ZNF341: variants seen among roughly 807,000 people sequenced by gnomAD.
ZNF341 encodes zinc finger protein 341.
In ZNF341, 52 loss-of-function variants were observed where a neutral mutation model predicts 87.7. The observed-to-expected ratio is 0.59, with a 90% confidence interval of 0.47 to 0.75. ZNF341 has a LOEUF of 0.75. Ranked by LOEUF, ZNF341 falls within the 30% of genes least tolerant of loss-of-function variation. The probability of loss-of-function intolerance (pLI) is 0.00; values close to 1 mark genes in which losing one functional copy is unlikely to be tolerated. For missense variants in ZNF341, 977 were observed against 1,145.9 expected (o/e 0.85, Z 2.13); for synonymous variants, 459 against 472.7 (o/e 0.97, Z 0.38).
intron 3 of ZNF341, among the ~76,000 whole-genome samples, chr20:33,746,923 G>T (rs1265980744): frequency 6.6e-6 from 1 of 152,172 alleles, no homozygotes; most frequent in East Asian, 1.9e-4. Context: ...CAGGAGTTCA[G>T]CTGGGCACGT....
In ZNF341 at chr20:33,789,502, T is replaced by C. The variant is rs1342822405; in HGVS notation, c.1965-16T>C. 6.2e-7 allele frequency: 1 copy of C among 1,613,808 alleles called. No homozygotes were observed. The stretch of plus-strand genomic sequence containing the variant: ...AGCTTGGTGAGCTCCCCCTGACCAG[T>C]GGCTTTGGGTTTTAGGACGCACACA... On this transcript the variant is annotated splice_polypyrimidine_tract_variant and intron_variant, in intron 13 of 14. Coordinates refer to ENST00000375200, the MANE Select transcript of ZNF341 (RefSeq NM_001282933.2).
At chr20:33,759,465 G>A (rs2019249082) in intron 7 of ZNF341, among the ~76,000 whole-genome samples, 1 of 152,036 alleles carries the variant, frequency 6.6e-6, no homozygotes, top group South Asian at 2.1e-4. Context: ...TGTATTTTTG[G>A]TAGAGATGGG....
chr20:33,740,186 A>G lies in ZNF341; in HGVS notation c.32-716A>G, dbSNP rs559612941. On this transcript the variant is annotated intron_variant, in intron 1 of 14. Transcript: ENST00000375200. ...GCTCCATCCAGCTTTTTATCCTACGATCCTAAGGTTGTCCTTATGATCCAG... is the reference window on the plus strand; with the variant it reads ...GCTCCATCCAGCTTTTTATCCTACGGTCCTAAGGTTGTCCTTATGATCCAG... 2.0e-5 allele frequency among the ~76,000 whole-genome samples: 3 copies of G among 152,272 alleles called. No homozygotes were observed. The East Asian group carries it at 5.8e-4, about 29-fold the overall frequency.
chr20:33,785,074 A>T (rs1258881595), intron 12 of ZNF341, among the ~76,000 whole-genome samples: 1 of 152,142 alleles, frequency 6.6e-6, no homozygotes, highest in Admixed American at 6.5e-5. Context: ...TATTAGTTAA[A>T]TTTTTTAATT....
At chr20:33,746,365 C>T (rs1375515555) in intron 3 of ZNF341, among the ~76,000 whole-genome samples, 2 of 151,164 alleles carry the variant, frequency 1.3e-5, no homozygotes, top group Admixed American at 1.3e-4. Context: ...TCCAGAGTAG[C>T]TGGGACTACA....
rs2020020160 is a variant in ZNF341, at chr20:33,791,252, T to C, written c.2300T>C (p.Leu767Ser). ...GSGGRKVLTPLPDPLGLEELK... is the reference protein window; with the variant it reads ...GSGGRKVLTPSPDPLGLEELK... ...GGTGGGCGCAAGGTGCTGACCCCCT[T>C]GCCTGACCCGCTGGGGCTGGAGGAG... The change falls in exon 15 of 15, where the codon TTG becomes TCG. Residue 767 changes from leucine (L) to serine (S), a missense_variant. Leu to Ser is a moderately radical substitution (Grantham distance 145). This residue lies in a region of ZNF341 where 221 missense variants were observed against 212.7 expected (regional missense o/e 1.04). Coordinates refer to ENST00000375200, the MANE Select transcript of ZNF341 (RefSeq NM_001282933.2). 6.2e-7 allele frequency: 1 copy of C among 1,611,972 alleles called. No individual in the cohort carries two copies. Among genetic ancestry groups the C allele is most frequent in the African/African-American group, 1.3e-5 (1 of 75,032 alleles).
chr20:33,768,622 C>T (rs2019460511), intron 9 of ZNF341, among the ~76,000 whole-genome samples: 1 of 152,154 alleles, frequency 6.6e-6, no homozygotes, highest in Non-Finnish European at 1.5e-5. Context: ...GGGGTTTCAC[C>T]ATGTTGGCCA....
chr20:33,753,629 G>A (rs1046184741), intron 5 of ZNF341, among the ~76,000 whole-genome samples: 2 of 152,190 alleles, frequency 1.3e-5, no homozygotes, highest in South Asian at 2.1e-4. Context: ...TAAGATGCAA[G>A]CCATGAGAAG....
At chr20:33,770,343 G>GGGGGGGGGGGGGGGGA in intron 10 of ZNF341, 51 bp downstream of exon 10, 2 of 511,254 alleles carry the variant, frequency 3.9e-6, no homozygotes, top group Non-Finnish European at 8.0e-6. Flanking sequence ...GGTGGGCAGG[G>GGGGGGGGGGGGGGGGA]AGCCCAGGGC....
chr20:33,764,735 C>T (rs1446970055), intron 8 of ZNF341, among the ~76,000 whole-genome samples: 4 of 150,282 alleles, frequency 2.7e-5, no homozygotes, highest in African/African-American at 9.8e-5. Context: ...ACTTTATATT[C>T]TTTTTTTAAT....
At chr20:33,761,696 A>G (rs7270779) in intron 7 of ZNF341, among the ~76,000 whole-genome samples, 166 bp from the exon 8 acceptor site, 3,675 of 152,246 alleles carry the variant, frequency 0.024, 129 homozygotes, top group African/African-American at 0.084. Flanking sequence ...GGGTCTTTCC[A>G]TCTCTGGTCT....
chr20:33,749,414 T>C (rs1295246825), intron 4 of ZNF341, among the ~76,000 whole-genome samples: 1 of 152,080 alleles, frequency 6.6e-6, no homozygotes, highest in Non-Finnish European at 1.5e-5. Flanking sequence ...TGCCTCAGCC[T>C]CCTGAGTAGC....
intron 5 of ZNF341, among the ~76,000 whole-genome samples, chr20:33,755,970 C>A (rs995641802): frequency 6.6e-6 from 1 of 151,994 alleles, no homozygotes; most frequent in Admixed American, 6.6e-5. Flanking sequence ...CGCCTGTAAT[C>A]CCTGCACTTT....
rs2020032867 is a variant in ZNF341 at position 33,791,534 on chromosome 20, G to C, written c.*17G>C. 6.5e-7 allele frequency: 1 copy of C among 1,531,046 alleles called. No individual in the cohort carries two copies. The highest frequency in any genetic ancestry group is 1.4e-5 in the African/African-American group (1 of 73,392). The allele number at this position is 1,531,046 out of a possible 1,614,324, so 94.8% of individuals were successfully genotyped here. ...TCCGAGTGACGGACCTGAGGTGTCT[G>C]TTTCCTGGGCAGGCCTGATGCTCCT... On this transcript the variant is annotated 3_prime_UTR_variant, in exon 15 of 15. Coordinates refer to ENST00000375200, the MANE Select transcript of ZNF341 (RefSeq NM_001282933.2).
At chr20:33,759,569 C>T (rs57705892) in intron 7 of ZNF341, among the ~76,000 whole-genome samples, 99 of 152,280 alleles carry the variant, frequency 6.5e-4, no homozygotes, top group African/African-American at 2.3e-3. Flanking sequence ...CAGGTGTGAG[C>T]CACCGTGCCT....
Position 33,789,601 on chromosome 20 carries a change from TG to T in ZNF341, c.2035+16del, listed in dbSNP as rs1437499055. 1 of 1,613,988 alleles carries T rather than the reference TG, an allele frequency of 6.2e-7. No homozygotes were observed. The highest frequency in any genetic ancestry group is 8.5e-7 in the Non-Finnish European group (1 of 1,179,904). ...CTCTCCCACTCTGGTAAGTGGCTCT[TG>T]GGCCTGCTAAGAGGGTCTGGTTCAG... On this transcript the variant is annotated intron_variant, in intron 14 of 14. Coordinates refer to ENST00000375200, the MANE Select transcript of ZNF341 (RefSeq NM_001282933.2).
intron 4 of ZNF341, 144 bp downstream of exon 4, chr20:33,749,216 C>A: frequency 8.2e-7 from 1 of 1,221,858 alleles, no homozygotes; most frequent in Non-Finnish European, 1.1e-6. Context: ...CCTTGTCCAG[C>A]TCTGCTATAG....
chr20:33,760,207 AG>A, intron 7 of ZNF341, among the ~76,000 whole-genome samples: 1 of 152,110 alleles, frequency 6.6e-6, no homozygotes. Context: ...GTTCAAGACC[AG>A]CCTGGCCAAC....
At chr20:33,773,101 T>C (rs866418226) in intron 10 of ZNF341, among the ~76,000 whole-genome samples, 8 of 152,312 alleles carry the variant, frequency 5.3e-5, no homozygotes, top group South Asian at 2.1e-4. Context: ...ACCTGCTCTG[T>C]GCCAAGCTTT....
Sources: allele counts gnomAD v4.1 joint callset (sites outside exome capture counted in the v4.1 genomes callset), GRCh38; gene constraint gnomAD v4.1.1; regional missense constraint gnomAD v4.1.1; transcripts MANE v1.5; gene names NCBI Gene and HGNC (gene_info 2026-07-23, HGNC 2026-07-21).